The following TSHR variants were observed in gnomAD, a reference collection of about 807,000 sequenced individuals.
TSHR encodes the protein thyroid stimulating hormone receptor, also known as thyrotropin receptor.
In TSHR, 51 loss-of-function variants were observed where a neutral mutation model predicts 64.1. The ratio of observed to expected loss-of-function variants is 0.80; its 90% CI spans 0.64 to 1.01. TSHR has a LOEUF of 1.01. Ranked by LOEUF, TSHR falls within the 50% of genes least tolerant of loss-of-function variation. TSHR has a pLI of 0.00. For missense variants in TSHR, 877 were observed against 942.8 expected (o/e 0.93, Z 0.91); for synonymous variants, 361 against 361.9 (o/e 1.00, Z 0.03).
chr14:81,049,463 A>G (rs774961662), intron 1 of TSHR: 1 of 152,238 alleles, frequency 6.6e-6, no homozygotes, highest in Non-Finnish European at 1.5e-5. Flanking sequence ...TGAGTCACTC[A>G]TCCTTTCTTC....
intron 2 of TSHR, among the ~76,000 whole-genome samples, chr14:81,064,081 C>T (rs1886430451): frequency 6.6e-6 from 1 of 151,948 alleles, no homozygotes; most frequent in African/African-American, 2.4e-5. Flanking sequence ...CTGAGCCATT[C>T]AATGGTTTTA....
At chr14:81,104,983 C>A (rs1334522056) in intron 7 of TSHR, 21 of 985,224 alleles carry the variant, frequency 2.1e-5, no homozygotes, top group South Asian at 4.7e-5. Flanking sequence ...TATTTAGAAA[C>A]CCTGACTTTC....
chr14:80,984,599 C>G (rs1183866133), intron 1 of TSHR, among the ~76,000 whole-genome samples: 1 of 152,166 alleles, frequency 6.6e-6, no homozygotes, highest in Non-Finnish European at 1.5e-5. Context: ...TACAGTTCCC[C>G]TGAAGGACAT....
At chr14:81,105,536 G>T (rs577358652) in intron 7 of TSHR, among the ~76,000 whole-genome samples, 77 of 152,248 alleles carry the variant, frequency 5.1e-4, no homozygotes, top group African/African-American at 1.8e-3. Flanking sequence ...ATCTTGGCCA[G>T]GGCTCCTCTG....
chr14:80,982,477 G>C (rs1888224737), intron 1 of TSHR: 1 of 1,074,228 alleles, frequency 9.3e-7, no homozygotes, highest in African/African-American at 1.6e-5. Flanking sequence ...ACCTAGGTCT[G>C]GGGCTGAGGA....
At chr14:81,092,748 A>G (rs189484098) in intron 6 of TSHR, 140 bp downstream of exon 6, 2 of 804,394 alleles carry the variant, frequency 2.5e-6, no homozygotes, top group East Asian at 2.7e-5. Context: ...CAATTAAATA[A>G]TAGTATTGTC....
chr14:81,079,664 C>T (rs1037463554), intron 3 of TSHR, among the ~76,000 whole-genome samples: 1 of 152,112 alleles, frequency 6.6e-6, no homozygotes, highest in Admixed American at 6.5e-5. Flanking sequence ...CCAGCCTGGG[C>T]GGCAGAGTGA....
chr14:81,075,083 C>T (rs1887399601), intron 3 of TSHR, among the ~76,000 whole-genome samples: 1 of 152,202 alleles, frequency 6.6e-6, no homozygotes, highest in Non-Finnish European at 1.5e-5. Context: ...TGTGAACAGA[C>T]CACAGACCAT....
intron 1 of TSHR, chr14:81,051,056 T>A (rs1885406464): frequency 6.4e-6 from 1 of 155,300 alleles, no homozygotes; most frequent in African/African-American, 2.4e-5. Context: ...TTGGAGTCAA[T>A]CTTCTCATAC....
At chr14:81,015,449 C>T (rs7152497) in intron 1 of TSHR, among the ~76,000 whole-genome samples, 15,844 of 152,072 alleles carry the variant, frequency 0.1, 2,716 homozygotes, top group African/African-American at 0.36. Flanking sequence ...ATATTAAATA[C>T]GTGTTCTAAA....
chr14:80,960,107 C>T (rs1886939749), intron 1 of TSHR, among the ~76,000 whole-genome samples: 1 of 152,144 alleles, frequency 6.6e-6, no homozygotes, highest in Non-Finnish European at 1.5e-5. Flanking sequence ...AAAGAGATAA[C>T]AATCTGGCAC....
intron 8 of TSHR, among the ~76,000 whole-genome samples, chr14:81,125,246 G>C (rs1049468605): frequency 2.6e-5 from 4 of 152,176 alleles, no homozygotes; most frequent in Admixed American, 2.6e-4. Flanking sequence ...AATTGCAACA[G>C]ACAGTGATAG....
intron 1 of TSHR, among the ~76,000 whole-genome samples, chr14:80,981,392 T>C (rs1465016332): frequency 6.6e-6 from 1 of 152,082 alleles, no homozygotes; most frequent in Non-Finnish European, 1.5e-5. Context: ...CTCTTTGCCA[T>C]TCAGATCATG....
At chr14:81,028,180 A>C (rs1884168431) in intron 1 of TSHR, among the ~76,000 whole-genome samples, 1 of 152,220 alleles carries the variant, frequency 6.6e-6, no homozygotes, top group African/African-American at 2.4e-5. Context: ...ATTATGAAAA[A>C]TTGACCTTAG....
chr14:80,980,570 TTGTCTTTAA>T (rs1888116023), intron 1 of TSHR, among the ~76,000 whole-genome samples: 1 of 152,224 alleles, frequency 6.6e-6, no homozygotes, highest in Non-Finnish European at 1.5e-5. Context: ...TAAGATCTCT[TTGTCTTTAA>T]TGTTTAACAG....
At chr14:81,071,306 T>C (rs537978491) in intron 3 of TSHR, among the ~76,000 whole-genome samples, 38 of 152,364 alleles carry the variant, frequency 2.5e-4, no homozygotes, top group Non-Finnish European at 4.1e-4. Context: ...GCTTAGACAG[T>C]GCTTGACCTT....
chr14:81,123,638 A>T (rs555917085), intron 8 of TSHR, among the ~76,000 whole-genome samples: 3 of 152,202 alleles, frequency 2.0e-5, no homozygotes, highest in Non-Finnish European at 4.4e-5. Context: ...AAGGTTTTTG[A>T]GGGAGAATAC....
chr14:80,987,450 G>A (rs1165951580), intron 1 of TSHR, among the ~76,000 whole-genome samples: 5 of 152,120 alleles, frequency 3.3e-5, no homozygotes, highest in African/African-American at 9.7e-5. Flanking sequence ...TATGTTTTAA[G>A]CATTAATTAT....
In TSHR at chr14:81,096,662, C is replaced by CTTCA. The variant is rs1889214749; in HGVS notation, c.570_573dup (p.Val192PhefsTer21). ...AGGAAGCTGTACAACAATGGCTTTA[C>CTTCA]TTCAGTCCAAGGATATGCTTTCAAT... is the stretch of plus-strand genomic sequence containing the variant. On this transcript the variant is annotated frameshift_variant, in exon 7 of 10. Transcript: ENST00000298171. LOFTEE classifies it high-confidence loss of function. 6.2e-7 allele frequency: 1 copy of CTTCA among 1,613,754 alleles called. No homozygotes were observed. Among genetic ancestry groups the CTTCA allele is most frequent in the Non-Finnish European group, 8.5e-7 (1 of 1,179,796 alleles).
Sources: allele counts gnomAD v4.1 joint callset (sites outside exome capture counted in the v4.1 genomes callset), GRCh38; gene constraint gnomAD v4.1.1; transcripts MANE v1.5; gene names NCBI Gene and HGNC (gene_info 2026-07-23, HGNC 2026-07-21).